RNF150: variants seen among roughly 807,000 people sequenced by gnomAD.
RNF150 encodes ring finger protein 150.
A neutral mutation model predicts 39.3 loss-of-function variants in RNF150; 24 were observed. The observed-to-expected ratio is 0.61, with a 90% CI of 0.44 to 0.86. The LOEUF (loss-of-function observed/expected upper bound fraction) is 0.86, where lower values mean the gene tolerates loss of function less well. Among genes scored for constraint, RNF150 ranks in the 40% least tolerant of loss-of-function variants. RNF150 has a pLI of 0.00. For synonymous variants in RNF150, 255 were observed against 227.3 expected, an observed-to-expected ratio of 1.12 and a Z score of -1.10; for missense variants, 502 against 587.8, an observed-to-expected ratio of 0.85 and a Z score of 1.51.
In RNF150 at chr4:141,099,857, T is replaced by C. The variant is rs143319145; in HGVS notation, c.484+32468A>G. On this transcript the variant is annotated intron_variant, in intron 1 of 6. Coordinates refer to ENST00000515673, the MANE Select transcript of RNF150 (RefSeq NM_020724.2). ...GTATTGAGCCATACAGTATGTGATG[T>C]GAACCCTCAGATTTTCAATAAAATT... Among the ~76,000 whole-genome samples, 444 of 152,250 alleles carry C rather than the reference T, an allele frequency of 2.9e-3. 3 individuals carry two copies. The highest frequency in any genetic ancestry group is 3.5e-3 in the Non-Finnish European group (235 of 68,018).
At chr4:140,913,372 C>T (rs1374504360) in intron 5 of RNF150, among the ~76,000 whole-genome samples, 3 of 152,186 alleles carry the variant, frequency 2.0e-5, no homozygotes, top group Non-Finnish European at 4.4e-5. Flanking sequence ...GAGCCTGGCC[C>T]CAGCCTACTT....
intron 1 of RNF150, among the ~76,000 whole-genome samples, chr4:141,078,707 G>A (rs1443407250): frequency 4.8e-4 from 71 of 148,066 alleles, no homozygotes; most frequent in African/African-American, 1.7e-3. Context: ...GGAGAACGGC[G>A]TGAACCCAGG....
At chr4:141,203,717 G>A (rs1228968824) in intron 1 of RNF150, among the ~76,000 whole-genome samples, 1 of 149,898 alleles carries the variant, frequency 6.7e-6, no homozygotes, top group Non-Finnish European at 1.5e-5. Flanking sequence ...GTGCTGTTTG[G>A]GTTCTGAGGC....
chr4:140,868,130 A>C lies in RNF150; in HGVS notation c.*131T>G, dbSNP rs1291476918. Reference sequence around the variant, plus strand: ...ACTTTGGATATTGCTTTTCGTCAGCATTCTTGAACGGAGCGCCCTGGAGTT... The same window carrying C: ...ACTTTGGATATTGCTTTTCGTCAGCCTTCTTGAACGGAGCGCCCTGGAGTT... On this transcript the variant is annotated 3_prime_UTR_variant, in exon 7 of 7. Transcript: ENST00000515673. The C allele has an allele frequency of 1.6e-6, 1 of 635,852 alleles. No homozygotes were observed. The highest frequency in any genetic ancestry group is 2.8e-6 in the Non-Finnish European group (1 of 351,386). 39.4% of individuals were successfully genotyped at this position (635,852 alleles called of 1,614,324 possible). A position where few individuals can be genotyped will look rare whatever the true frequency, so the allele number is the denominator to read the frequency against.
rs879416942 is a variant in RNF150, at chr4:141,070,535, G to GA, written c.484+61789dup. ...ACAATGAACTCAAACAAATTTACAA[G>GA]AAAAAAACAAACAACCCCATCAAAA... On this transcript the variant is annotated intron_variant, in intron 1 of 6. Coordinates refer to ENST00000515673, the MANE Select transcript of RNF150 (RefSeq NM_020724.2). Among the ~76,000 whole-genome samples, 866 of 148,922 alleles carry GA rather than the reference G, an allele frequency of 5.8e-3. 4 individuals are homozygous for GA. The highest frequency in any genetic ancestry group is 9.2e-3 in the Non-Finnish European group (617 of 67,028).
chr4:141,032,290 G>A (rs1360550073), intron 1 of RNF150, among the ~76,000 whole-genome samples: 1 of 152,092 alleles, frequency 6.6e-6, no homozygotes, highest in Non-Finnish European at 1.5e-5. Context: ...GGAACTTGAG[G>A]GAAATGGGAT....
chr4:141,068,157 C>A (rs572663763), intron 1 of RNF150, among the ~76,000 whole-genome samples: 1 of 152,112 alleles, frequency 6.6e-6, no homozygotes, highest in Non-Finnish European at 1.5e-5. Context: ...GTGGGACAGG[C>A]TGCTCTTGAA....
chr4:141,178,242 G>T (rs1578782598), intron 1 of RNF150, among the ~76,000 whole-genome samples: 2 of 151,362 alleles, frequency 1.3e-5, no homozygotes, highest in Admixed American at 6.6e-5. Flanking sequence ...ATGTGTGTGT[G>T]TATGTGTGTG....
chr4:140,903,609 C>A (rs561260718), intron 6 of RNF150, among the ~76,000 whole-genome samples: 3 of 152,192 alleles, frequency 2.0e-5, no homozygotes, highest in Admixed American at 6.5e-5. Flanking sequence ...GGTCTGCCCC[C>A]CAGCCCTTTG....
chr4:141,180,828 C>T (rs1259811947), intron 1 of RNF150, among the ~76,000 whole-genome samples: 2 of 152,098 alleles, frequency 1.3e-5, no homozygotes, highest in Non-Finnish European at 2.9e-5. Context: ...TTCCTTTTTC[C>T]ATGGACCTTT....
rs567829601 is a variant in RNF150 at position 141,158,939 on chromosome 4, G to A, written c.-6+53855C>T. Among the ~76,000 whole-genome samples the A allele has an allele frequency of 5.9e-5, 9 of 152,278 alleles. No individual in the cohort carries two copies. The South Asian group carries it at 1.2e-3, about 21-fold the overall frequency. On this transcript the variant is annotated intron_variant, in intron 1 of 7. Transcript: ENST00000420921. ...AAGTTTATGTTACCATCTTGAGGGT[G>A]CTTTGAAATGGCAGTTCCCAACTTG...
chr4:141,198,094 T>G (rs2111212225), intron 1 of RNF150, among the ~76,000 whole-genome samples: 1 of 151,210 alleles, frequency 6.6e-6, no homozygotes, highest in South Asian at 2.1e-4. Flanking sequence ...TGGTGCAATC[T>G]TGGCTCACTG....
intron 4 of RNF150, among the ~76,000 whole-genome samples, chr4:140,945,613 C>CATATA (rs1732273881): frequency 2.7e-5 from 1 of 36,494 alleles, no homozygotes; most frequent in Non-Finnish European, 9.8e-5. Flanking sequence ...CATATATATA[C>CATATA]TACATATATA....
chr4:141,123,946 T>C (rs942562073), intron 1 of RNF150, among the ~76,000 whole-genome samples: 4 of 152,188 alleles, frequency 2.6e-5, no homozygotes, highest in African/African-American at 7.2e-5. Flanking sequence ...TAATCCAGTC[T>C]ATCATTGATG....
chr4:140,953,703 A>G (rs941766547), intron 2 of RNF150, among the ~76,000 whole-genome samples: 4 of 152,148 alleles, frequency 2.6e-5, no homozygotes, highest in Admixed American at 2.0e-4. Flanking sequence ...AATTACACAA[A>G]GAAAAAAAGT....
chr4:140,865,947 A>G lies in RNF150; in HGVS notation c.*2314T>C, dbSNP rs541520051. The G allele has an allele frequency of 6.6e-6, 1 of 152,356 alleles. No individual in the cohort carries two copies. The highest frequency in any genetic ancestry group is 2.4e-5 in the African/African-American group (1 of 41,590). The allele number at this position is 152,356 out of a possible 1,614,324, so 9.4% of individuals were successfully genotyped here. On this transcript the variant is annotated 3_prime_UTR_variant, in exon 7 of 7. Coordinates refer to ENST00000515673, the MANE Select transcript of RNF150 (RefSeq NM_020724.2). ...GTAATACTAAAATTTGTTTTGGGCAAAGCCGACTGAAGGAGGAGTCAGTGG... is the reference window on the plus strand; with the variant it reads ...GTAATACTAAAATTTGTTTTGGGCAGAGCCGACTGAAGGAGGAGTCAGTGG...
intron 2 of RNF150, among the ~76,000 whole-genome samples, chr4:140,967,101 A>G (rs1733270291): frequency 6.6e-6 from 1 of 152,170 alleles, no homozygotes. Context: ...ATATGTGTTT[A>G]TAAGTGCATA....
chr4:141,132,880 C>A lies in RNF150; in HGVS notation c.-72G>T. 1 of 1,314,926 alleles carries A rather than the reference C, an allele frequency of 7.6e-7. No individual in the cohort carries two copies. The highest frequency in any genetic ancestry group is 1.1e-6 in the Non-Finnish European group (1 of 937,394). The allele number at this position is 1,314,926 out of a possible 1,614,324, so 81.5% of individuals were successfully genotyped here. Reference sequence around the variant, plus strand: ...CCCGTCCCTCCTCCCCAGCCCCGGCCAACCCCGGGCCGCTGCCTCTCCTCC... The same window carrying A: ...CCCGTCCCTCCTCCCCAGCCCCGGCAAACCCCGGGCCGCTGCCTCTCCTCC... On this transcript the variant is annotated 5_prime_UTR_variant, in exon 1 of 7. Coordinates refer to ENST00000515673, the MANE Select transcript of RNF150 (RefSeq NM_020724.2). This position sits in a 1 kb window ranked among gnomAD's most constrained non-coding sequence, Gnocchi z 4.9.
intron 1 of RNF150, among the ~76,000 whole-genome samples, chr4:141,004,076 T>C (rs1734775115): frequency 1.3e-5 from 2 of 152,160 alleles, no homozygotes. Flanking sequence ...CTGGTTTCAG[T>C]TCACTCATTC....
Sources: gnomAD v4.1 joint callset for allele counts (sites outside exome capture counted in the v4.1 genomes callset) on GRCh38, gnomAD v4.1.1 for gene constraint, Gnocchi (gnomAD v3.1) non-coding constraint, MANE v1.5 for transcripts, NCBI Gene and HGNC (gene_info 2026-07-23, HGNC 2026-07-21) for gene names.